CPNE4: variants seen among roughly 807,000 people sequenced by gnomAD.
CPNE4 encodes copine-4.
CPNE4 carries 25 observed loss-of-function variants against 67.9 expected under a neutral mutation model. The observed-to-expected ratio is 0.37, with a 90% CI of 0.27 to 0.51. The LOEUF (loss-of-function observed/expected upper bound fraction) is 0.51. CPNE4 is among the 20% of genes least tolerant of loss of function. The pLI is 0.93. For missense variants in CPNE4, 464 were observed against 690.8 expected (o/e 0.67, Z 3.68); for synonymous variants, 242 against 244.9 (o/e 0.99, Z 0.11).
At chr3:131,794,007 T>C (rs1426793530) in intron 2 of CPNE4, among the ~76,000 whole-genome samples, 1 of 152,228 alleles carries the variant, frequency 6.6e-6, no homozygotes, top group African/African-American at 2.4e-5. Flanking sequence ...TTTACATGCA[T>C]ATTTATTCAA....
Position 131,622,491 on chromosome 3 carries a change from TAA to T in CPNE4, c.682-34911_682-34910del, listed in dbSNP as rs566928443. 1.5e-3 allele frequency among the ~76,000 whole-genome samples: 227 copies of T among 152,338 alleles called. 2 individuals carry two copies. Among genetic ancestry groups the T allele is most frequent in the African/African-American group, 4.4e-3 (181 of 41,566 alleles). Reference sequence around the variant, plus strand: ...CTTGAAGGCCATCTCCTAGACTTAATAAACATGAACAGATGTAGGTTGACAGT... The same window carrying T: ...CTTGAAGGCCATCTCCTAGACTTAATACATGAACAGATGTAGGTTGACAGT... On this transcript the variant is annotated intron_variant, in intron 7 of 15. Transcript: ENST00000429747.
At position 131,788,857 on chromosome 3, in the gene CPNE4, C is replaced by CAT. The variant is rs1044183234; in HGVS notation, c.181-65234_181-65233dup. The stretch of plus-strand genomic sequence containing the variant: ...ATTTACTTATATTTATACATACACA[C>CAT]ATATATATATAATACTAACAGAAAT... On this transcript the variant is annotated intron_variant, in intron 2 of 15. Coordinates refer to ENST00000429747, the MANE Select transcript of CPNE4 (RefSeq NM_130808.3). Among the ~76,000 whole-genome samples, 9 of 151,922 alleles carry CAT rather than the reference C, an allele frequency of 5.9e-5. No homozygotes were observed. In the South Asian group the frequency reaches 6.2e-4, roughly 10 times the overall value.
chr3:131,556,481 G>A (rs943389808), intron 11 of CPNE4, among the ~76,000 whole-genome samples: 5 of 152,016 alleles, frequency 3.3e-5, no homozygotes, highest in East Asian at 1.9e-4. Context: ...ACATACAAGC[G>A]GTGATAAGTT....
chr3:131,982,142 T>C (rs781315219), intron 1 of CPNE4, among the ~76,000 whole-genome samples: 5 of 152,212 alleles, frequency 3.3e-5, no homozygotes, highest in Non-Finnish European at 7.3e-5. Flanking sequence ...GTCCACTGTA[T>C]GATCACTGAA....
intron 2 of CPNE4, among the ~76,000 whole-genome samples, chr3:131,764,608 T>C (rs2082964792): frequency 1.3e-5 from 2 of 152,094 alleles, no homozygotes; most frequent in South Asian, 4.1e-4. Context: ...CACTCCTCTA[T>C]AGAAAGTAAT....
chr3:131,702,822 A>T (rs1470479550), intron 3 of CPNE4, among the ~76,000 whole-genome samples: 1 of 152,234 alleles, frequency 6.6e-6, no homozygotes, highest in Non-Finnish European at 1.5e-5. Flanking sequence ...GAATGAAGAA[A>T]ATGCTACTGT....
chr3:131,699,903 G>C lies in CPNE4; in HGVS notation c.432+6C>G, dbSNP rs1454283695. 2 of 1,612,478 alleles carry C rather than the reference G, an allele frequency of 1.2e-6. No homozygotes were observed. Among genetic ancestry groups the C allele is most frequent in the Non-Finnish European group, 1.7e-6 (2 of 1,178,942 alleles). The stretch of plus-strand genomic sequence containing the variant: ...GCAGACAGCTGCTTAGGGAGTGCCT[G>C]CTTACCGTGATGGAAGATTTCCCTG... On this transcript the variant is annotated splice_donor_region_variant and intron_variant, in intron 4 of 15. Transcript: ENST00000429747.
intron 2 of CPNE4, among the ~76,000 whole-genome samples, chr3:131,903,636 T>C (rs1172803741): frequency 6.6e-6 from 1 of 152,114 alleles, no homozygotes; most frequent in Non-Finnish European, 1.5e-5. Context: ...ACAAGCTGAC[T>C]GCTCTTGGGA....
rs547801454 is a variant in CPNE4, at chr3:131,982,156, T to A, written c.-2+52411A>T. On this transcript the variant is annotated intron_variant, in intron 1 of 15. Transcript: ENST00000429747. ...GGTCCACTGTATGATCACTGAAAGC[T>A]CTGGAACCTTGCTAAATCTACATTG... 1.9e-4 allele frequency among the ~76,000 whole-genome samples: 29 copies of A among 152,320 alleles called. 1 individual carries two copies. In the South Asian group the frequency reaches 3.9e-3, roughly 21 times the overall value.
At chr3:131,678,668 G>A (rs2080649447) in intron 6 of CPNE4, among the ~76,000 whole-genome samples, 1 of 152,118 alleles carries the variant, frequency 6.6e-6, no homozygotes, top group Admixed American at 6.6e-5. Context: ...GTTGTTGAAA[G>A]CCTTTTCTGC....
At chr3:131,946,506 C>T (rs1051626359) in intron 1 of CPNE4, among the ~76,000 whole-genome samples, 5 of 152,130 alleles carry the variant, frequency 3.3e-5, no homozygotes, top group Non-Finnish European at 2.9e-5. Flanking sequence ...AGGTAGTCAA[C>T]ATCTTTTTAT....
rs189949982 is a variant in CPNE4 at position 131,725,085 on chromosome 3, T to C, written c.181-1460A>G. 3.1e-4 allele frequency among the ~76,000 whole-genome samples: 47 copies of C among 152,352 alleles called. No homozygotes were observed. The East Asian group carries it at 8.9e-3, about 29-fold the overall frequency. On this transcript the variant is annotated intron_variant, in intron 2 of 15. Transcript: ENST00000429747. The stretch of plus-strand genomic sequence containing the variant: ...TTTATTGGATGTTTTCTGACATTTG[T>C]TAGCACAAACTATGAAAAGCATTTA...
intron 1 of CPNE4, among the ~76,000 whole-genome samples, chr3:132,013,275 T>C (rs530335457): frequency 1.3e-5 from 2 of 152,270 alleles, no homozygotes; most frequent in African/African-American, 4.8e-5. Context: ...ATTTAGGCAA[T>C]TACATTGAGT....
intron 2 of CPNE4, among the ~76,000 whole-genome samples, chr3:131,804,182 C>T (rs2084228318): frequency 1.3e-5 from 2 of 151,870 alleles, no homozygotes; most frequent in South Asian, 4.2e-4. Context: ...AGTTCTGAAA[C>T]TTTTCTCCTC....
chr3:131,861,402 TTGTGTGTG>T (rs5852659), intron 2 of CPNE4, among the ~76,000 whole-genome samples: 44,182 of 144,338 alleles, frequency 0.31, 7,542 homozygotes, highest in Middle Eastern at 0.41. Flanking sequence ...TATCTCATCT[TTGTGTGTG>T]TGTGTGTGTG....
At chr3:131,834,772 G>C (rs1361561723) in intron 2 of CPNE4, among the ~76,000 whole-genome samples, 2 of 152,022 alleles carry the variant, frequency 1.3e-5, no homozygotes, top group African/African-American at 4.8e-5. Flanking sequence ...AAAACAAAAA[G>C]AAAACCTGGA....
chr3:131,953,893 A>G (rs2071855209), intron 1 of CPNE4, among the ~76,000 whole-genome samples: 2 of 152,228 alleles, frequency 1.3e-5, no homozygotes, highest in Non-Finnish European at 1.5e-5. Context: ...AAAGATTTGA[A>G]ATATGTTTCC....
At chr3:131,832,933 T>A (rs1331902024) in intron 2 of CPNE4, among the ~76,000 whole-genome samples, 1 of 152,102 alleles carries the variant, frequency 6.6e-6, no homozygotes, top group Non-Finnish European at 1.5e-5. Flanking sequence ...TCAGTCAAAA[T>A]TTGTATATTG....
At chr3:131,613,301 A>AT (rs1582892246) in intron 7 of CPNE4, among the ~76,000 whole-genome samples, 1 of 152,092 alleles carries the variant, frequency 6.6e-6, no homozygotes, top group Non-Finnish European at 1.5e-5. Context: ...AAAACCATAC[A>AT]TTTTTCATGG....
Sources: gnomAD v4.1 joint callset for allele counts (sites outside exome capture counted in the v4.1 genomes callset) on GRCh38, gnomAD v4.1.1 for gene constraint, MANE v1.5 for transcripts, NCBI Gene and HGNC (gene_info 2026-07-23, HGNC 2026-07-21) for gene names.